The following CD226 variants were observed in gnomAD, a reference collection of about 807,000 sequenced individuals.
CD226 encodes the protein CD226 molecule.
Under a neutral mutation model 34.9 loss-of-function variants are expected in CD226, and 24 were observed. That is an observed-to-expected ratio of 0.69 (90% CI 0.50 to 0.97). The LOEUF is 0.97. Among genes scored for constraint, CD226 ranks in the 50% least tolerant of loss-of-function variants. The pLI, the probability that CD226 is intolerant of heterozygous loss-of-function variation, is 0.00. For missense variants in CD226, 397 were observed against 412.7 expected, an observed-to-expected ratio of 0.96 and a Z score of 0.33; for synonymous variants, 148 against 147.4, an observed-to-expected ratio of 1.00 and a Z score of -0.03.
chr18:69,917,357 G>A (rs981034192), intron 2 of CD226, among the ~76,000 whole-genome samples: 7 of 152,040 alleles, frequency 4.6e-5, no homozygotes, highest in South Asian at 2.1e-4. Flanking sequence ...TCCATCTCAC[G>A]TCTGAACTCT....
upstream of CD226, among the ~76,000 whole-genome samples, chr18:69,960,450 A>G (rs1021882530): frequency 2.6e-5 from 4 of 151,720 alleles, no homozygotes; most frequent in Non-Finnish European, 5.9e-5. Context: ...ATACTTGACA[A>G]TTTTCGTTGT....
At position 69,932,837 on chromosome 18, in the gene CD226, C is replaced by A. The variant is rs563361943; in HGVS notation, c.382+13897G>T. ...ACTCCTAGCTCCACCAATTCCCGTC[C>A]TCTGCACACAAACAATGTAAGCATC... On this transcript the variant is annotated intron_variant, in intron 2 of 5. Coordinates refer to ENST00000582621, the MANE Select transcript of CD226 (RefSeq NM_001303618.2). Among the ~76,000 whole-genome samples, 35 of 152,304 alleles carry A rather than the reference C, an allele frequency of 2.3e-4. 2 individuals are homozygous for A. The South Asian group carries it at 7.0e-3, about 31-fold the overall frequency.
intron 2 of CD226, among the ~76,000 whole-genome samples, chr18:69,900,285 G>A (rs914024254): frequency 4.6e-5 from 7 of 152,178 alleles, no homozygotes; most frequent in African/African-American, 9.7e-5. Flanking sequence ...AGTTGAGAGC[G>A]GAGGGTGGGA....
chr18:69,900,459 G>T (rs978550883), intron 2 of CD226, among the ~76,000 whole-genome samples: 1 of 152,142 alleles, frequency 6.6e-6, no homozygotes, highest in Non-Finnish European at 1.5e-5. Flanking sequence ...CTGGCCGGGC[G>T]CGGTGGCTCA....
chr18:69,946,180 C>CAAAAAAAAAAAAAAAAAAAAAA (rs60750165), intron 2 of CD226, among the ~76,000 whole-genome samples: 1 of 66,376 alleles, frequency 1.5e-5, no homozygotes, highest in Non-Finnish European at 2.5e-5. Context: ...AAGACTCCAT[C>CAAAAAAAAAAAAAAAAAAAAAA]AAAAAAAAAA....
intron 3 of CD226, among the ~76,000 whole-genome samples, chr18:69,878,749 A>T (rs757245492): frequency 6.6e-6 from 1 of 152,198 alleles, no homozygotes; most frequent in Non-Finnish European, 1.5e-5. Flanking sequence ...CGCCGCCATC[A>T]TGGTGTGTGT....
intron 3 of CD226, among the ~76,000 whole-genome samples, chr18:69,893,428 A>G (rs953365250): frequency 3.3e-5 from 5 of 152,206 alleles, no homozygotes; most frequent in Non-Finnish European, 7.3e-5. Flanking sequence ...TCTCCTAAAA[A>G]TCTGTTACCT....
intron 1 of CD226, chr18:69,956,549 C>T (rs2055898871): frequency 6.6e-6 from 1 of 152,200 alleles, no homozygotes; most frequent in African/African-American, 2.4e-5. Flanking sequence ...AACTGGCACC[C>T]TTTTACTACA....
At chr18:69,865,819 C>T (rs1452886693) in intron 5 of CD226, among the ~76,000 whole-genome samples, 1 of 152,118 alleles carries the variant, frequency 6.6e-6, no homozygotes, top group Non-Finnish European at 1.5e-5. Flanking sequence ...TGGCTTGTGG[C>T]CATGTAGAAT....
At chr18:69,897,968 G>A (rs1985396302) in intron 2 of CD226, among the ~76,000 whole-genome samples, 1 of 151,560 alleles carries the variant, frequency 6.6e-6, no homozygotes, top group Non-Finnish European at 1.5e-5. Flanking sequence ...ACACACACCC[G>A]GAAAACATTT....
intron 3 of CD226, among the ~76,000 whole-genome samples, chr18:69,887,535 G>C (rs1984630818): frequency 6.6e-6 from 1 of 152,108 alleles, no homozygotes; most frequent in African/African-American, 2.4e-5. Flanking sequence ...TCTCAACTCA[G>C]CATCTACTTT....
At chr18:69,864,881 G>A (rs1232582411) in intron 5 of CD226, among the ~76,000 whole-genome samples, 1 of 152,156 alleles carries the variant, frequency 6.6e-6, no homozygotes, top group Non-Finnish European at 1.5e-5. Context: ...GACCACATAT[G>A]TATGTATGTA....
At chr18:69,953,605 G>A (rs1281557698) in intron 1 of CD226, among the ~76,000 whole-genome samples, 2 of 152,174 alleles carry the variant, frequency 1.3e-5, no homozygotes, top group Admixed American at 6.5e-5. Flanking sequence ...TTAAGGTATG[G>A]GGTTTTCTTT....
Position 69,873,207 on chromosome 18 carries a change from C to T in CD226, c.767G>A (p.Gly256Glu). The T allele has an allele frequency of 6.2e-7, 1 of 1,610,468 alleles. No homozygotes were observed. The highest frequency in any genetic ancestry group is 8.5e-7 in the Non-Finnish European group (1 of 1,177,034). ...AACAAACAACAACAATAAAACTGTC[C>T]CTCCAGCCACAAAGAGGGTATATTG... ...DNQYTLFVAG[G>E]TVLLLLFVIS... Residue 256 changes from glycine to glutamate, a missense_variant, in exon 4 of 6, where the codon GGG (glycine) becomes GAG (glutamate). By Grantham distance (98) the Gly-to-Glu change is moderately conservative (BLOSUM62 -2). Transcript: ENST00000582621.
chr18:69,879,558 C>T (rs966247583), intron 3 of CD226, among the ~76,000 whole-genome samples: 5 of 150,778 alleles, frequency 3.3e-5, no homozygotes, highest in African/African-American at 4.9e-5. Context: ...CTCTGAAAAT[C>T]ACAGTTATCC....
chr18:69,927,666 A>G (rs1405917486), intron 2 of CD226, among the ~76,000 whole-genome samples: 2 of 152,220 alleles, frequency 1.3e-5, no homozygotes, highest in Non-Finnish European at 2.9e-5. Context: ...TTCATTTGGA[A>G]TAATGTCCCC....
intron 3 of CD226, among the ~76,000 whole-genome samples, chr18:69,883,238 CAG>C (rs1179770804): frequency 1.3e-5 from 2 of 152,038 alleles, no homozygotes; most frequent in Non-Finnish European, 2.9e-5. Context: ...CCTGTCATAA[CAG>C]AAGTTATTTT....
At position 69,859,431 on chromosome 18, in the gene CD226, C is replaced by G. The variant is rs752514214; in HGVS notation, c.*4883G>C. 6.6e-6 allele frequency: 1 copy of G among 152,084 alleles called. No homozygotes were observed. Among genetic ancestry groups the G allele is most frequent in the South Asian group, 2.1e-4 (1 of 4,808 alleles). 9.4% of individuals were successfully genotyped at this position (152,084 alleles called of 1,614,324 possible). A position where few individuals can be genotyped will look rare whatever the true frequency, so the allele number is the denominator to read the frequency against. Reference sequence around the variant, plus strand: ...CATGTAGTTTAACTAAGAGTACTGGCAAGGTCATAAGAAATAAATGCCAAA... The same window carrying G: ...CATGTAGTTTAACTAAGAGTACTGGGAAGGTCATAAGAAATAAATGCCAAA... On this transcript the variant is annotated 3_prime_UTR_variant, in exon 6 of 6. Coordinates refer to ENST00000582621, the MANE Select transcript of CD226 (RefSeq NM_001303618.2).
At chr18:69,870,337 C>A (rs1210530709) in intron 4 of CD226, among the ~76,000 whole-genome samples, 7 of 137,792 alleles carry the variant, frequency 5.1e-5, no homozygotes, top group Non-Finnish European at 1.5e-5. Context: ...TACAGTGGTG[C>A]AATCTTGGCT....
Sources: allele counts gnomAD v4.1 joint callset (sites outside exome capture counted in the v4.1 genomes callset), GRCh38; gene constraint gnomAD v4.1.1; transcripts MANE v1.5; gene names NCBI Gene and HGNC (gene_info 2026-07-23, HGNC 2026-07-21).